Variants in GLRA2 observed in about 807,000 individuals in gnomAD.
The protein encoded by GLRA2 is glycine receptor alpha 2, also known as glycine receptor subunit alpha-2.
In GLRA2, 11 loss-of-function variants were observed where a neutral mutation model predicts 31.6. That is an observed-to-expected ratio of 0.35 (90% confidence interval 0.22 to 0.58). The LOEUF (loss-of-function observed/expected upper bound fraction) is 0.58. GLRA2 is among the 20% of genes least tolerant of loss of function. GLRA2 has a pLI of 0.84. For synonymous variants in GLRA2, 132 were observed against 134.0 expected, an observed-to-expected ratio of 0.99 and a Z score of 0.10; for missense variants, 212 against 351.8, an observed-to-expected ratio of 0.60 and a Z score of 3.18.
chrX:14,529,153 T>TAA (rs1421763546), upstream of GLRA2: 1 of 110,691 alleles, frequency 9.0e-6, no homozygotes, highest in Non-Finnish European at 1.9e-5. Flanking sequence ...ACACCCTTAT[T>TAA]ATAATTTCAG....
intron 7 of GLRA2, among the ~76,000 whole-genome samples, chrX:14,615,313 C>G (rs2090443285): frequency 9.0e-6 from 1 of 111,579 alleles, no homozygotes; most frequent in Non-Finnish European, 1.9e-5. Context: ...GATGATTCAT[C>G]CATCCATTTA....
In GLRA2 at chrX:14,609,190, G is replaced by A. The variant is rs773311903; in HGVS notation, c.915G>A (p.Arg305=). 12 of 1,176,520 alleles carry A rather than the reference G, an allele frequency of 1.0e-5. No individual in the cohort carries two copies. In the South Asian group the frequency reaches 2.2e-4, roughly 21 times the overall value. ...LTMTTQSSGS[R]ASLPKVSYVK... ...TGACCACCCAGAGTTCAGGCTCCAG[G>A]GCATCTCTGCCAAAGGTAAGAAATC... is the stretch of plus-strand genomic sequence containing the variant. Residue 305 remains arginine (R), a synonymous_variant, in exon 7 of 9, where the codon AGG becomes AGA. Coordinates refer to ENST00000218075, the MANE Select transcript of GLRA2 (RefSeq NM_002063.4).
At chrX:14,493,780 T>G in the GLRA2 span, among the ~76,000 whole-genome samples, 1 of 99,431 alleles carries the variant, frequency 1.0e-5, no homozygotes, top group African/African-American at 4.1e-5. Context: ...CATATATATA[T>G]AGACACACAC....
At chrX:14,631,147 A>C (rs2090640581) in intron 7 of GLRA2, among the ~76,000 whole-genome samples, 1 of 111,335 alleles carries the variant, frequency 9.0e-6, no homozygotes, top group Non-Finnish European at 1.9e-5. Flanking sequence ...CTTATTTTCA[A>C]ATTCATTAAC....
At chrX:14,721,744 C>G (rs2091868909) in intron 8 of GLRA2, among the ~76,000 whole-genome samples, 1 of 111,555 alleles carries the variant, frequency 9.0e-6, no homozygotes, top group Admixed American at 9.6e-5. Flanking sequence ...TACATTTCCT[C>G]CAACTTCTAC....
chrX:14,475,969 G>A, the GLRA2 span, among the ~76,000 whole-genome samples: 3 of 111,203 alleles, frequency 2.7e-5, no homozygotes, highest in Admixed American at 2.9e-4. Context: ...CGTAATAAAT[G>A]CCTCTTAATA....
At chrX:14,521,362 T>A in the GLRA2 span, among the ~76,000 whole-genome samples, 2 of 110,330 alleles carry the variant, frequency 1.8e-5, no homozygotes, top group Non-Finnish European at 3.8e-5. Context: ...CAACTTCATT[T>A]CTCTCTCTCT....
Position 14,559,086 on chromosome X carries a change from A to G in GLRA2, c.203-15247A>G, listed in dbSNP as rs1569495321. 4.5e-5 allele frequency among the ~76,000 whole-genome samples: 5 copies of G among 111,754 alleles called. No homozygotes were observed. In the South Asian group the frequency reaches 1.1e-3, roughly 25 times the overall value. ...GTGATCTGCCCACCTCTGCCTCTCA[A>G]AGTGCTGGGATTACAGGCGTGAGCC... On this transcript the variant is annotated intron_variant, in intron 2 of 8. Transcript: ENST00000218075.
chrX:14,731,374 GC>G lies in GLRA2; in HGVS notation c.*892del, dbSNP rs1020910175. ...GCTATATTTACACGTGACTTTAATC[GC>G]CCAACTGTGACTAGTCATTGCAGCT... On this transcript the variant is annotated 3_prime_UTR_variant, in exon 9 of 9. Coordinates refer to ENST00000218075, the MANE Select transcript of GLRA2 (RefSeq NM_002063.4). The G allele has an allele frequency of 9.0e-6, 1 of 110,870 alleles. No individual in the cohort carries two copies. Among genetic ancestry groups the G allele is most frequent in the Non-Finnish European group, 1.9e-5 (1 of 52,940 alleles). 9.1% of individuals were successfully genotyped at this position (110,870 alleles called of 1,213,427 possible).
At chrX:14,600,819 C>G (rs1367273769) in intron 4 of GLRA2, among the ~76,000 whole-genome samples, 1 of 111,027 alleles carries the variant, frequency 9.0e-6, no homozygotes, top group East Asian at 2.8e-4. Context: ...GGCTTTGTTT[C>G]CTTTTGCAGC....
intron 4 of GLRA2, among the ~76,000 whole-genome samples, chrX:14,592,445 G>A (rs1287002392): frequency 1.8e-5 from 2 of 110,948 alleles, no homozygotes; most frequent in Admixed American, 9.6e-5. Context: ...TGAGGAGGGT[G>A]TATCACTTTA....
chrX:14,602,352 GTTGTTTGTTTGTTTGT>G (rs368812932), intron 4 of GLRA2, among the ~76,000 whole-genome samples: 1 of 104,217 alleles, frequency 9.6e-6, no homozygotes, highest in Admixed American at 1.0e-4. Flanking sequence ...TGTACAAACC[GTTGTTTGTTTGTTTGT>G]TTGTTTGTTT....
the GLRA2 span, among the ~76,000 whole-genome samples, chrX:14,491,103 G>A: frequency 9.0e-6 from 1 of 111,583 alleles, no homozygotes; most frequent in African/African-American, 3.3e-5. Context: ...TGCTATTATG[G>A]TCAGAAAATA....
chrX:14,721,664 A>G (rs948811162), intron 8 of GLRA2, among the ~76,000 whole-genome samples: 4 of 110,952 alleles, frequency 3.6e-5, no homozygotes, highest in Non-Finnish European at 5.7e-5. Flanking sequence ...CCTGTATATG[A>G]TTTTTTCCCC....
chrX:14,718,725 G>C (rs7066636), intron 8 of GLRA2, among the ~76,000 whole-genome samples: 4,192 of 111,814 alleles, frequency 0.037, 166 homozygotes, highest in African/African-American at 0.11. Context: ...CATGTGGCTT[G>C]ACTTCCTCAC....
upstream of GLRA2, among the ~76,000 whole-genome samples, chrX:14,524,357 C>T (rs999399534): frequency 9.0e-6 from 1 of 111,193 alleles, no homozygotes; most frequent in African/African-American, 3.3e-5. Context: ...AATCTATGGC[C>T]CTATAGTGAG....
chrX:14,456,893 C>T, the GLRA2 span, among the ~76,000 whole-genome samples: 1 of 112,010 alleles, frequency 8.9e-6, no homozygotes, highest in Admixed American at 9.5e-5. Flanking sequence ...ATTGCTGGAT[C>T]TTATGGTAGT....
chrX:14,674,852 C>T (rs1309798822), intron 7 of GLRA2, among the ~76,000 whole-genome samples: 1 of 110,556 alleles, frequency 9.0e-6, no homozygotes, highest in Non-Finnish European at 1.9e-5. Flanking sequence ...TCATCATCTC[C>T]CCAAAGCCCA....
intron 7 of GLRA2, among the ~76,000 whole-genome samples, chrX:14,689,582 C>A (rs1378985292): frequency 8.9e-6 from 1 of 111,989 alleles, no homozygotes; most frequent in East Asian, 2.8e-4. Context: ...ATAATAATTT[C>A]ATCCCTCTTT....
Sources: gnomAD v4.1 joint callset for allele counts (sites outside exome capture counted in the v4.1 genomes callset) on GRCh38, gnomAD v4.1.1 for gene constraint, MANE v1.5 for transcripts, NCBI Gene and HGNC (gene_info 2026-07-23, HGNC 2026-07-21) for gene names.